GALNT18: variants seen among roughly 807,000 people sequenced by gnomAD.
The protein encoded by GALNT18 is GalNAc-transferase 18.
A neutral mutation model predicts 69.5 loss-of-function variants in GALNT18; 44 were observed. That is an observed-to-expected ratio of 0.63 (90% CI 0.50 to 0.81). The LOEUF is 0.81. Among genes scored for constraint, GALNT18 ranks in the 40% least tolerant of loss-of-function variants. The pLI, the probability that GALNT18 is intolerant of heterozygous loss-of-function variation, is 0.00. For synonymous variants in GALNT18, 364 were observed against 318.2 expected (o/e 1.14, Z -1.53); for missense variants, 715 against 810.0 (o/e 0.88, Z 1.42).
chr11:11,451,344 G>A (rs986964205), intron 1 of GALNT18, among the ~76,000 whole-genome samples: 17 of 152,244 alleles, frequency 1.1e-4, no homozygotes, highest in Admixed American at 3.9e-4. Context: ...TATTGCTCTC[G>A]AATACCTAAG....
rs556612972 is a variant in GALNT18, at chr11:11,315,401, G to A, written c.1512+11685C>T. 1.3e-5 allele frequency among the ~76,000 whole-genome samples: 2 copies of A among 152,234 alleles called. No homozygotes were observed. The highest frequency in any genetic ancestry group is 2.4e-5 in the African/African-American group (1 of 41,542). On this transcript the variant is annotated intron_variant, in intron 9 of 10. Transcript: ENST00000227756. This position sits in a 1 kb window ranked among gnomAD's most constrained non-coding sequence, Gnocchi z 5.6. ...AATGAGGAGACAGACAGAATAGCAC[G>A]TTCCTGAGCTCTGGAACACAGGCAA...
At chr11:11,378,728 C>T (rs1853835617) in intron 4 of GALNT18, among the ~76,000 whole-genome samples, 1 of 152,200 alleles carries the variant, frequency 6.6e-6, no homozygotes, top group Non-Finnish European at 1.5e-5. Context: ...GCCCAGCTCT[C>T]CTTTCCTAGG....
At chr11:11,354,736 G>C (rs1293069824) in intron 6 of GALNT18, among the ~76,000 whole-genome samples, 1 of 152,122 alleles carries the variant, frequency 6.6e-6, no homozygotes, top group African/African-American at 2.4e-5. Context: ...CTGAGCTCAA[G>C]ATTTATATAC....
intron 1 of GALNT18, among the ~76,000 whole-genome samples, chr11:11,567,518 A>C (rs1858682861): frequency 6.6e-6 from 1 of 152,136 alleles, no homozygotes; most frequent in South Asian, 2.1e-4. Flanking sequence ...AGGAATGACC[A>C]TTCCAGCTCT....
At chr11:11,272,106 A>G (rs1848839765) in intron 10 of GALNT18, among the ~76,000 whole-genome samples, 1 of 152,166 alleles carries the variant, frequency 6.6e-6, no homozygotes, top group Non-Finnish European at 1.5e-5. Flanking sequence ...GGAGGTTCTT[A>G]TAATTGGACC....
chr11:11,422,780 G>A (rs754870631), intron 3 of GALNT18, among the ~76,000 whole-genome samples: 5 of 152,044 alleles, frequency 3.3e-5, no homozygotes, highest in African/African-American at 1.2e-4. Context: ...GGTTCTGCAG[G>A]GGGTGGGGAA....
At position 11,353,819 on chromosome 11, in the gene GALNT18, C is replaced by T. The variant is rs552919852; in HGVS notation, c.1093-12815G>A. Among the ~76,000 whole-genome samples the T allele has an allele frequency of 4.8e-4, 73 of 152,268 alleles. No individual in the cohort carries two copies. In the South Asian group the frequency reaches 0.015, roughly 31 times the overall value. On this transcript the variant is annotated intron_variant, in intron 6 of 10. Transcript: ENST00000227756. ...TCCAGGGTAGATACACTCTGTCATT[C>T]CCAGCACCATAGAGCCAACTGATGG... is the stretch of plus-strand genomic sequence containing the variant.
rs1394612903 is a variant in GALNT18, at chr11:11,598,400, T to C, written c.235+22959A>G. On this transcript the variant is annotated intron_variant, in intron 1 of 10. Transcript: ENST00000227756. This position sits in a 1 kb window ranked among gnomAD's most constrained non-coding sequence, Gnocchi z 4.8. ...CAGGCTCTAGAGGAGAATCTGTTCC[T>C]TGCTTCTTCCAGCTCCTGGTAGCTG... Among the ~76,000 whole-genome samples the C allele has an allele frequency of 6.6e-6, 1 of 152,194 alleles. No homozygotes were observed. The highest frequency in any genetic ancestry group is 1.5e-5 in the Non-Finnish European group (1 of 68,034).
chr11:11,557,678 C>T (rs1004504524), intron 1 of GALNT18, among the ~76,000 whole-genome samples: 1 of 152,204 alleles, frequency 6.6e-6, no homozygotes, highest in Non-Finnish European at 1.5e-5. Flanking sequence ...TATCAGTTTG[C>T]ATCCCTACTA....
chr11:11,488,995 TAGTC>T (rs1856702750), intron 1 of GALNT18, among the ~76,000 whole-genome samples: 1 of 152,226 alleles, frequency 6.6e-6, no homozygotes, highest in East Asian at 1.9e-4. Flanking sequence ...AAGAAGGGCT[TAGTC>T]AGCCATAGAA....
intron 1 of GALNT18, among the ~76,000 whole-genome samples, chr11:11,502,053 C>G (rs1856983396): frequency 6.6e-6 from 1 of 152,202 alleles, no homozygotes; most frequent in African/African-American, 2.4e-5. Flanking sequence ...TTGCCAAATG[C>G]CTGTCTGGCC....
intron 10 of GALNT18, among the ~76,000 whole-genome samples, chr11:11,279,565 A>T (rs1849023025): frequency 6.6e-6 from 1 of 150,740 alleles, no homozygotes; most frequent in African/African-American, 2.4e-5. Flanking sequence ...CATATAATGG[A>T]AACCTATATA....
rs12798935 is a variant in GALNT18 at position 11,523,394 on chromosome 11, C to T, written c.236-74458G>A. On this transcript the variant is annotated intron_variant, in intron 1 of 10. Coordinates refer to ENST00000227756, the MANE Select transcript of GALNT18 (RefSeq NM_198516.3). The surrounding 1 kb of genome is among the most constrained non-coding windows in gnomAD (Gnocchi z 4.3). Reference sequence around the variant, plus strand: ...CTTGCTTGCTCTGTGCAGAGGTAACCGAGAGCTACCTCTAGAGGTCTTCAA... The same window carrying T: ...CTTGCTTGCTCTGTGCAGAGGTAACTGAGAGCTACCTCTAGAGGTCTTCAA... Among the ~76,000 whole-genome samples the T allele has an allele frequency of 4.6e-5, 7 of 151,934 alleles. No individual in the cohort carries two copies. The South Asian group carries it at 6.2e-4, about 14-fold the overall frequency.
chr11:11,541,067 C>T lies in GALNT18; in HGVS notation c.235+80292G>A, dbSNP rs1431315193. Among the ~76,000 whole-genome samples the T allele has an allele frequency of 6.6e-6, 1 of 152,142 alleles. No individual in the cohort carries two copies. The highest frequency in any genetic ancestry group is 1.5e-5 in the Non-Finnish European group (1 of 68,018). On this transcript the variant is annotated intron_variant, in intron 1 of 10. Coordinates refer to ENST00000227756, the MANE Select transcript of GALNT18 (RefSeq NM_198516.3). The surrounding 1 kb of genome is among the most constrained non-coding windows in gnomAD (Gnocchi z 4.8). ...CCTGTTAAAACAGGGGCAAACAATACACTTCCCTGCATGTCCCACATCCAC... is the reference window on the plus strand; with the variant it reads ...CCTGTTAAAACAGGGGCAAACAATATACTTCCCTGCATGTCCCACATCCAC...
At position 11,271,156 on chromosome 11, in the gene GALNT18, G is replaced by GCTC; in HGVS notation, c.1809_1811dup (p.Arg603dup). On this transcript the variant is annotated inframe_insertion, in exon 11 of 11. Coordinates refer to ENST00000227756, the MANE Select transcript of GALNT18 (RefSeq NM_198516.3). ...TGGCCCCGGTGGGTCAGGACGCGAG[G>GCTC]CTCCTCAGGACGTTGGTGATGCTCC... The GCTC allele has an allele frequency of 6.2e-7, 1 of 1,611,934 alleles. No individual in the cohort carries two copies. The highest frequency in any genetic ancestry group is 8.5e-7 in the Non-Finnish European group (1 of 1,178,270).
intron 1 of GALNT18, among the ~76,000 whole-genome samples, chr11:11,466,948 G>T (rs1856167191): frequency 6.6e-6 from 1 of 152,178 alleles, no homozygotes; most frequent in African/African-American, 2.4e-5. Flanking sequence ...TTTCTAGAAG[G>T]CTCAGAGTAG....
At chr11:11,351,467 A>C (rs723447) in intron 6 of GALNT18, among the ~76,000 whole-genome samples, 137,425 of 152,194 alleles carry the variant, frequency 0.9, 63,608 homozygotes, top group East Asian at 1. Flanking sequence ...CAACCCTTGT[A>C]AGGGGACACA....
intron 3 of GALNT18, among the ~76,000 whole-genome samples, chr11:11,390,834 G>A (rs1854171253): frequency 6.6e-6 from 1 of 152,186 alleles, no homozygotes; most frequent in Admixed American, 6.5e-5. Flanking sequence ...CAGAGGCTTA[G>A]GGAGAGACAG....
chr11:11,561,441 G>T (rs187660203), intron 1 of GALNT18, among the ~76,000 whole-genome samples: 68 of 152,268 alleles, frequency 4.5e-4, no homozygotes, highest in Non-Finnish European at 8.8e-4. Flanking sequence ...GTGACCTGGG[G>T]AAGTCACTTA....
Sources: gnomAD v4.1 joint callset for allele counts (sites outside exome capture counted in the v4.1 genomes callset) on GRCh38, gnomAD v4.1.1 for gene constraint, Gnocchi (gnomAD v3.1) non-coding constraint, MANE v1.5 for transcripts, NCBI Gene and HGNC (gene_info 2026-07-23, HGNC 2026-07-21) for gene names.